Variants in NGLY1 observed in about 807,000 individuals in gnomAD.
NGLY1 encodes peptide-N(4)-(N-acetyl-beta-glucosaminyl)asparagine amidase.
Under a neutral mutation model 84.6 loss-of-function variants are expected in NGLY1, and 68 were observed. That is an observed-to-expected ratio of 0.80 (90% CI 0.66 to 0.98). NGLY1 has a LOEUF of 0.98. Among genes scored for constraint, NGLY1 ranks in the 50% least tolerant of loss-of-function variants. NGLY1 has a pLI of 0.00. For missense variants in NGLY1, 779 were observed against 770.2 expected, an observed-to-expected ratio of 1.01 and a Z score of -0.14; for synonymous variants, 280 against 275.2, an observed-to-expected ratio of 1.02 and a Z score of -0.17.
intron 9 of NGLY1, chr3:25,729,888 C>A (rs1278484719): frequency 1.3e-5 from 2 of 152,140 alleles, no homozygotes; most frequent in African/African-American, 4.8e-5. Flanking sequence ...CATTACTTTT[C>A]CTTTAGTTCC....
rs774489175 is a variant in NGLY1 at position 25,735,992 on chromosome 3, T to G, written c.1149+12A>C. The G allele has an allele frequency of 6.3e-7, 1 of 1,579,196 alleles. No homozygotes were observed. The highest frequency in any genetic ancestry group is 8.6e-7 in the Non-Finnish European group (1 of 1,168,398). On this transcript the variant is annotated intron_variant, in intron 7 of 11. Transcript: ENST00000280700. ...TACTTTTGGAAAAAAGTTTTTTTCT[T>G]TTATGCTCTACCTCATCTTTTGAAA...
chr3:25,751,029 A>G, intron 4 of NGLY1, 69 bp downstream of exon 4: 1 of 1,470,898 alleles, frequency 6.8e-7, no homozygotes, highest in Non-Finnish European at 9.3e-7. Flanking sequence ...GGTCAGTTGT[A>G]TTTCAGTATT....
At chr3:25,783,865 C>T (rs2125333047), upstream of NGLY1, among the ~76,000 whole-genome samples, 1 of 152,010 alleles carries the variant, frequency 6.6e-6, no homozygotes. This position sits in a 1 kb window ranked among gnomAD's most constrained non-coding sequence, Gnocchi z 4.5. Context: ...TCCTTTAGGA[C>T]GGAGGAGCTC....
intron 3 of NGLY1, chr3:25,754,788 C>CTT (rs5847371): frequency 0.049 from 13,499 of 274,500 alleles, 627 homozygotes; most frequent in African/African-American, 0.14. Context: ...ATGACTCGTG[C>CTT]TTTTTTTTTT....
In NGLY1 at chr3:25,735,969, C is replaced by G. The variant is rs367883392; in HGVS notation, c.1149+35G>C. ...TCATAAAAGAAAAAAATATATTTTA[C>G]TTTTGGAAAAAAGTTTTTTTCTTTT... On this transcript the variant is annotated intron_variant, in intron 7 of 11. Transcript: ENST00000280700. 3.2e-5 allele frequency: 49 copies of G among 1,537,502 alleles called. 1 individual carries two copies. The highest frequency in any genetic ancestry group is 4.3e-5 in the Non-Finnish European group (49 of 1,137,328).
Position 25,736,003 on chromosome 3 carries a change from C to T in NGLY1, c.1149+1G>A, listed in dbSNP as rs957135878. ...AAAAGTTTTTTTCTTTTATGCTCTA[C>T]CTCATCTTTTGAAAATGCTATGACA... On this transcript the variant is annotated splice_donor_variant, in intron 7 of 11. Transcript: ENST00000280700. LOFTEE classifies it high-confidence loss of function. 6.2e-7 allele frequency: 1 copy of T among 1,606,726 alleles called. No homozygotes were observed. Among genetic ancestry groups the T allele is most frequent in the Non-Finnish European group, 8.5e-7 (1 of 1,177,480 alleles).
chr3:25,725,271 T>C (rs1228635293), intron 10 of NGLY1, among the ~76,000 whole-genome samples: 1 of 152,216 alleles, frequency 6.6e-6, no homozygotes, highest in Non-Finnish European at 1.5e-5. Context: ...TTTGGAGAAC[T>C]TCTGGAGAGC....
intron 2 of NGLY1, among the ~76,000 whole-genome samples, chr3:25,770,182 C>T (rs1707824280): frequency 6.6e-6 from 1 of 152,088 alleles, no homozygotes; most frequent in Non-Finnish European, 1.5e-5. Flanking sequence ...CAGAGTTTTG[C>T]TCTTGTCACA....
At chr3:25,722,436 A>C (rs1264219204) in intron 10 of NGLY1, among the ~76,000 whole-genome samples, 1 of 152,136 alleles carries the variant, frequency 6.6e-6, no homozygotes, top group East Asian at 1.9e-4. Context: ...ACTCATATCA[A>C]GTAAAAAAAT....
chr3:25,789,049 C>T (rs1708663038), intron 1 of NGLY1, among the ~76,000 whole-genome samples: 1 of 152,168 alleles, frequency 6.6e-6, no homozygotes, highest in Non-Finnish European at 1.5e-5. Context: ...TATGCTCAAC[C>T]ATTTTTCTAA....
At chr3:25,765,401 C>G (rs1407709095) in intron 2 of NGLY1, among the ~76,000 whole-genome samples, 1 of 148,146 alleles carries the variant, frequency 6.8e-6, no homozygotes, top group Admixed American at 6.8e-5. Flanking sequence ...CAGAGGTGAG[C>G]TGAGATCGTG....
upstream of NGLY1, chr3:25,783,461 C>G (rs1296602921): frequency 1.5e-6 from 2 of 1,370,956 alleles, no homozygotes; most frequent in African/African-American, 1.5e-5. The surrounding 1 kb of genome is among the most constrained non-coding windows in gnomAD (Gnocchi z 4.5). Context: ...CGCCTCAGCG[C>G]GCAGCAGCTA....
intron 3 of NGLY1, among the ~76,000 whole-genome samples, chr3:25,752,796 T>C (rs1031918073): frequency 2.6e-5 from 4 of 151,664 alleles, no homozygotes; most frequent in African/African-American, 9.7e-5. Context: ...CTGGGCAATG[T>C]AGTCTCAAAA....
chr3:25,742,670 T>C (rs1173742871), intron 4 of NGLY1, among the ~76,000 whole-genome samples: 1 of 152,114 alleles, frequency 6.6e-6, no homozygotes, highest in South Asian at 2.1e-4. Context: ...GTCTAGTGCC[T>C]ACCATGCAGC....
At chr3:25,787,197 G>C (rs1040625994), upstream of NGLY1, among the ~76,000 whole-genome samples, 5 of 152,158 alleles carry the variant, frequency 3.3e-5, no homozygotes, top group Non-Finnish European at 5.9e-5. Context: ...TTCAGTGAGG[G>C]GGGACAACTT....
intron 3 of NGLY1, among the ~76,000 whole-genome samples, chr3:25,757,210 T>A (rs1210004367): frequency 1.3e-5 from 2 of 152,140 alleles, no homozygotes; most frequent in African/African-American, 4.8e-5. Context: ...GTAAAATGTA[T>A]AAAAATAGAC....
chr3:25,755,205 T>C lies in NGLY1; in HGVS notation c.493-3942A>G, dbSNP rs1706977743. 3.7e-6 allele frequency: 5 copies of C among 1,365,782 alleles called. No homozygotes were observed. In the African/African-American group the frequency reaches 4.3e-5, roughly 12 times the overall value. The allele number at this position is 1,365,782 out of a possible 1,614,324, so 84.6% of individuals were successfully genotyped here. Reference sequence around the variant, plus strand: ...CCCCCAAGAGGTTTCTTACTGGATATTGCAAGGCAGAAAAATCAAACCCCT... The same window carrying C: ...CCCCCAAGAGGTTTCTTACTGGATACTGCAAGGCAGAAAAATCAAACCCCT... On this transcript the variant is annotated intron_variant, in intron 3 of 11. Coordinates refer to ENST00000280700, the MANE Select transcript of NGLY1 (RefSeq NM_018297.4).
intron 2 of NGLY1, among the ~76,000 whole-genome samples, chr3:25,765,613 A>G (rs1274519045): frequency 6.6e-6 from 1 of 152,196 alleles, no homozygotes; most frequent in East Asian, 1.9e-4. Flanking sequence ...AATGACATGA[A>G]AGTCAATTCC....
intron 4 of NGLY1, among the ~76,000 whole-genome samples, chr3:25,743,456 A>T (rs1706255519): frequency 6.6e-6 from 1 of 152,148 alleles, no homozygotes; most frequent in South Asian, 2.1e-4. Context: ...CCTTCTACCT[A>T]AAAGGGAAAT....
Sources: gnomAD v4.1 joint callset for allele counts (sites outside exome capture counted in the v4.1 genomes callset) on GRCh38, gnomAD v4.1.1 for gene constraint, Gnocchi (gnomAD v3.1) non-coding constraint, MANE v1.5 for transcripts, NCBI Gene and HGNC (gene_info 2026-07-23, HGNC 2026-07-21) for gene names.